The following ZC3H3 variants were observed in gnomAD, a reference collection of about 807,000 sequenced individuals.
The protein encoded by ZC3H3 is zinc finger CCCH domain-containing protein 3.
Under a neutral mutation model 77.3 loss-of-function variants are expected in ZC3H3, and 36 were observed. That is an observed-to-expected ratio of 0.47 (90% CI 0.36 to 0.61). The LOEUF (loss-of-function observed/expected upper bound fraction) is 0.61. Ranked by LOEUF, ZC3H3 falls within the 20% of genes least tolerant of loss-of-function variation. ZC3H3 has a pLI of 0.00. For missense variants in ZC3H3, 1,331 were observed against 1,312.2 expected (o/e 1.01, Z -0.22); for synonymous variants, 626 against 555.2 (o/e 1.13, Z -1.79).
rs1369102926 is a variant in ZC3H3 at position 143,462,236 on chromosome 8, A to G, written c.2307+3481T>C. Among the ~76,000 whole-genome samples, 1 of 152,114 alleles carries G rather than the reference A, an allele frequency of 6.6e-6. No homozygotes were observed. The highest frequency in any genetic ancestry group is 1.5e-5 in the Non-Finnish European group (1 of 68,000). On this transcript the variant is annotated intron_variant, in intron 9 of 11. Coordinates refer to ENST00000262577, the MANE Select transcript of ZC3H3 (RefSeq NM_015117.3). The surrounding 1 kb of genome is among the most constrained non-coding windows in gnomAD (Gnocchi z 4.7). The stretch of plus-strand genomic sequence containing the variant: ...GTGCCGTTATCCCGACTGTATATAA[A>G]AGGAGACTGAGGCCAGAGGAGGAAG...
intron 4 of ZC3H3, among the ~76,000 whole-genome samples, chr8:143,495,588 CTGT>C (rs373407316): frequency 6.6e-6 from 1 of 152,004 alleles, no homozygotes; most frequent in Non-Finnish European, 1.5e-5. Flanking sequence ...TTTGGGGTTT[CTGT>C]TGTTGTTTTT....
At chr8:143,463,531 C>T (rs559049049) in intron 9 of ZC3H3, among the ~76,000 whole-genome samples, 4 of 152,278 alleles carry the variant, frequency 2.6e-5, no homozygotes, top group East Asian at 1.9e-4. Context: ...CGTTCAAGGA[C>T]GCCGGCCGCG....
chr8:143,478,631 T>C (rs2129920111), intron 4 of ZC3H3, among the ~76,000 whole-genome samples: 1 of 152,372 alleles, frequency 6.6e-6, no homozygotes, highest in Admixed American at 6.5e-5. Flanking sequence ...TGCCTCAGCC[T>C]CCAGAGTAGC....
chr8:143,481,889 G>A (rs1481998768), intron 4 of ZC3H3, among the ~76,000 whole-genome samples: 2 of 152,220 alleles, frequency 1.3e-5, no homozygotes, highest in Non-Finnish European at 2.9e-5. Context: ...GCCCTGCCCC[G>A]AGGCAATGCC....
intron 4 of ZC3H3, among the ~76,000 whole-genome samples, chr8:143,500,917 GTT>G (rs1563863339): frequency 6.6e-6 from 1 of 151,086 alleles, no homozygotes; most frequent in Non-Finnish European, 1.5e-5. Context: ...GGTTCAAGCG[GTT>G]CTCCGGCCTC....
intron 3 of ZC3H3, among the ~76,000 whole-genome samples, chr8:143,536,016 G>A (rs1392329489): frequency 2.0e-5 from 3 of 152,200 alleles, no homozygotes; most frequent in Non-Finnish European, 2.9e-5. Flanking sequence ...CATACCAAGG[G>A]ACACACAGAA....
At chr8:143,497,759 G>A (rs1272166136) in intron 4 of ZC3H3, among the ~76,000 whole-genome samples, 1 of 152,220 alleles carries the variant, frequency 6.6e-6, no homozygotes, top group African/African-American at 2.4e-5. Flanking sequence ...TGTCTGGTAC[G>A]GCCAAGTCCA....
At chr8:143,495,877 C>T (rs1301574645) in intron 4 of ZC3H3, among the ~76,000 whole-genome samples, 4 of 151,726 alleles carry the variant, frequency 2.6e-5, no homozygotes, top group Admixed American at 1.3e-4. Context: ...GCTGTGATTA[C>T]AGGTGCAAGC....
chr8:143,511,076 G>A (rs1821856219), intron 3 of ZC3H3, among the ~76,000 whole-genome samples: 2 of 152,370 alleles, frequency 1.3e-5, no homozygotes, highest in South Asian at 4.1e-4. Flanking sequence ...TGAGATATGA[G>A]CCCATCCATC....
At chr8:143,480,369 A>C (rs1458169299) in intron 4 of ZC3H3, among the ~76,000 whole-genome samples, 2 of 152,218 alleles carry the variant, frequency 1.3e-5, no homozygotes, top group Admixed American at 1.3e-4. Flanking sequence ...TCTGAGGACC[A>C]ACCCTGGACA....
chr8:143,441,372 G>A (rs571853445), intron 9 of ZC3H3, among the ~76,000 whole-genome samples: 31 of 152,306 alleles, frequency 2.0e-4, no homozygotes, highest in African/African-American at 7.5e-4. Context: ...AGAGCAGGGC[G>A]GGGCTGGGCC....
intron 3 of ZC3H3, among the ~76,000 whole-genome samples, chr8:143,523,934 A>T (rs888758936): frequency 1.3e-5 from 2 of 152,212 alleles, no homozygotes; most frequent in African/African-American, 4.8e-5. Context: ...CCACAGGGCC[A>T]TGTCTGAGCA....
At position 143,462,067 on chromosome 8, in the gene ZC3H3, G is replaced by C. The variant is rs1430529408; in HGVS notation, c.2307+3650C>G. Among the ~76,000 whole-genome samples the C allele has an allele frequency of 6.6e-6, 1 of 151,962 alleles. No homozygotes were observed. Among genetic ancestry groups the C allele is most frequent in the Admixed American group, 6.6e-5 (1 of 15,256 alleles). On this transcript the variant is annotated intron_variant, in intron 9 of 11. Transcript: ENST00000262577. The surrounding 1 kb of genome is among the most constrained non-coding windows in gnomAD (Gnocchi z 4.7). ...CACGACATGAAGAAAAACTAAGTGA[G>C]GCCCCACCTCACACAACACGCAAAT...
chr8:143,506,811 G>A (rs1056967161), intron 4 of ZC3H3, among the ~76,000 whole-genome samples: 4 of 152,154 alleles, frequency 2.6e-5, no homozygotes, highest in Non-Finnish European at 4.4e-5. Flanking sequence ...CCATACTGGT[G>A]GGTGGATCCC....
intron 3 of ZC3H3, among the ~76,000 whole-genome samples, chr8:143,535,179 C>T (rs1367794682): frequency 2.6e-5 from 4 of 152,120 alleles, no homozygotes; most frequent in African/African-American, 7.2e-5. Context: ...GCTGGGATTA[C>T]AGGCATGTGC....
At chr8:143,525,202 C>T (rs576283213) in intron 3 of ZC3H3, among the ~76,000 whole-genome samples, 2 of 152,244 alleles carry the variant, frequency 1.3e-5, no homozygotes, top group South Asian at 2.1e-4. Context: ...CCCAGCAGCG[C>T]TCGGCCTGCC....
intron 5 of ZC3H3, among the ~76,000 whole-genome samples, chr8:143,469,679 G>T (rs1193449618): frequency 6.6e-6 from 1 of 152,086 alleles, no homozygotes; most frequent in African/African-American, 2.4e-5. Flanking sequence ...CCAAGGGGAT[G>T]AGGCGGGGAG....
chr8:143,444,264 G>A (rs890438532), intron 9 of ZC3H3, among the ~76,000 whole-genome samples: 8 of 152,102 alleles, frequency 5.3e-5, no homozygotes, highest in Non-Finnish European at 7.3e-5. Context: ...GTGAGCCACC[G>A]CACCTGGCCT....
Position 143,445,670 on chromosome 8 carries a change from G to C in ZC3H3, c.2308-4550C>G, listed in dbSNP as rs922058606. On this transcript the variant is annotated intron_variant, in intron 9 of 11. Coordinates refer to ENST00000262577, the MANE Select transcript of ZC3H3 (RefSeq NM_015117.3). ...ATCACAACACTGCACTCCAGCCTGG[G>C]TGACACAGTGACACCCTGTCTCTGT... Among the ~76,000 whole-genome samples the C allele has an allele frequency of 8.7e-4, 132 of 151,782 alleles. 2 individuals are homozygous for C. Among genetic ancestry groups the C allele is most frequent in the African/African-American group, 3.1e-3 (128 of 41,348 alleles).
Sources: gnomAD v4.1 joint callset for allele counts (sites outside exome capture counted in the v4.1 genomes callset) on GRCh38, gnomAD v4.1.1 for gene constraint, Gnocchi (gnomAD v3.1) non-coding constraint, MANE v1.5 for transcripts, NCBI Gene and HGNC (gene_info 2026-07-23, HGNC 2026-07-21) for gene names.